APTX: variants seen among roughly 807,000 people sequenced by gnomAD.
APTX encodes the protein forkhead-associated domain histidine triad-like protein.
APTX carries 33 observed loss-of-function variants against 42.3 expected under a neutral mutation model. That is an observed-to-expected ratio of 0.78 (90% CI 0.59 to 1.04). APTX has a LOEUF of 1.04. Ranked by LOEUF, APTX falls within the 50% of genes least tolerant of loss-of-function variation. APTX has a pLI of 0.00. For synonymous variants in APTX, 130 were observed against 146.7 expected (o/e 0.89, Z 0.82); for missense variants, 421 against 415.1 (o/e 1.01, Z -0.12).
At chr9:32,985,064 A>G (rs551037218) in intron 5 of APTX, among the ~76,000 whole-genome samples, 1 of 152,376 alleles carries the variant, frequency 6.6e-6, no homozygotes, top group African/African-American at 2.4e-5. Context: ...CTAGGATTCC[A>G]ACTCAGATGT....
intron 1 of APTX, 26 bp downstream of exon 1, chr9:33,001,541 A>G (rs1302945452): frequency 5.0e-6 from 8 of 1,613,652 alleles, no homozygotes; most frequent in Non-Finnish European, 6.8e-6. Context: ...CAGCCAGCAG[A>G]AGAGATAGGC....
chr9:32,978,819 CT>C (rs1830050205), intron 6 of APTX, among the ~76,000 whole-genome samples: 1 of 152,196 alleles, frequency 6.6e-6, no homozygotes, highest in African/African-American at 2.4e-5. Flanking sequence ...CAGATGAGCA[CT>C]GTTTCTGCTG....
rs1289152870 is a variant in APTX, at chr9:32,974,646, A to G, written c.771-85T>C. 4 of 766,464 alleles carry G rather than the reference A, an allele frequency of 5.2e-6. No homozygotes were observed. The Admixed American group carries it at 7.4e-5, about 14-fold the overall frequency. 47.5% of individuals were successfully genotyped at this position (766,464 alleles called of 1,614,324 possible). A position where few individuals can be genotyped will look rare whatever the true frequency, so the allele number is the denominator to read the frequency against. On this transcript the variant is annotated intron_variant, in intron 6 of 7. Transcript: ENST00000379817. Reference sequence around the variant, plus strand: ...ATGACAAAGAGTATGAGTACATTGTATATTCATACTATTGAATACTCTTTG... The same window carrying G: ...ATGACAAAGAGTATGAGTACATTGTGTATTCATACTATTGAATACTCTTTG...
At chr9:32,983,020 C>G (rs1356385928) in intron 6 of APTX, among the ~76,000 whole-genome samples, 1 of 151,934 alleles carries the variant, frequency 6.6e-6, no homozygotes, top group Non-Finnish European at 1.5e-5. Flanking sequence ...TCATAGCTTA[C>G]TGTAGCCTCA....
intron 1 of APTX, among the ~76,000 whole-genome samples, chr9:33,022,666 A>G (rs1159097635): frequency 6.6e-6 from 1 of 152,246 alleles, no homozygotes; most frequent in African/African-American, 2.4e-5. Context: ...GCCATTAAAA[A>G]TAACAAGGCA....
chr9:32,977,807 G>C (rs1829795568), intron 6 of APTX, among the ~76,000 whole-genome samples: 1 of 151,836 alleles, frequency 6.6e-6, no homozygotes, highest in South Asian at 2.1e-4. Context: ...CTCCAGCCTG[G>C]GCAACAGAGT....
At chr9:32,973,773 C>T (rs915177627) in intron 7 of APTX, 121 bp from the exon 8 acceptor site, 1 of 1,332,102 alleles carries the variant, frequency 7.5e-7, no homozygotes, top group Non-Finnish European at 1.1e-6. Flanking sequence ...AGGTATTCTA[C>T]AGCTCCGTAA....
chr9:32,995,878 T>A (rs1486243041), intron 1 of APTX, among the ~76,000 whole-genome samples: 7 of 127,624 alleles, frequency 5.5e-5, no homozygotes, highest in East Asian at 4.3e-4. Context: ...ACAGAGCGAG[T>A]CTCCGTCTCA....
At chr9:32,987,176 A>G (rs1324513524) in intron 4 of APTX, among the ~76,000 whole-genome samples, 1 of 152,210 alleles carries the variant, frequency 6.6e-6, no homozygotes, top group Non-Finnish European at 1.5e-5. Context: ...AGTATGAGTC[A>G]TACCTTCTTT....
intron 1 of APTX, among the ~76,000 whole-genome samples, chr9:33,009,635 C>T (rs536791227): frequency 5.4e-4 from 82 of 151,966 alleles, no homozygotes; most frequent in African/African-American, 1.8e-3. Context: ...ATAACTTAGC[C>T]GGGCACGGTG....
chr9:33,017,639 G>A (rs1290216283), intron 1 of APTX, among the ~76,000 whole-genome samples: 1 of 152,136 alleles, frequency 6.6e-6, no homozygotes, highest in East Asian at 1.9e-4. Context: ...TCAATAATTT[G>A]CTAGAACAGC....
intron 6 of APTX, among the ~76,000 whole-genome samples, chr9:32,975,288 C>T (rs1355574603): frequency 1.3e-5 from 2 of 151,748 alleles, no homozygotes; most frequent in Non-Finnish European, 2.9e-5. Context: ...GATTTTCAGC[C>T]GAAGAGTGCT....
At chr9:33,022,177 T>C (rs1838437724) in intron 1 of APTX, among the ~76,000 whole-genome samples, 1 of 152,056 alleles carries the variant, frequency 6.6e-6, no homozygotes, top group African/African-American at 2.4e-5. Flanking sequence ...GCGAAGAATA[T>C]ACTAAAGAAA....
intron 3 of APTX, 70 bp from the exon 4 acceptor site, chr9:32,987,916 A>G (rs1235490761): frequency 1.3e-6 from 2 of 1,575,596 alleles, no homozygotes; most frequent in African/African-American, 2.7e-5. Context: ...AGCCACTGCT[A>G]TGTTAACCAC....
At chr9:32,985,205 T>C (rs1039273928) in intron 5 of APTX, among the ~76,000 whole-genome samples, 2 of 152,114 alleles carry the variant, frequency 1.3e-5, no homozygotes, top group Non-Finnish European at 2.9e-5. Context: ...CCTTCTCCAC[T>C]CCAACATGGC....
At chr9:33,001,506 G>A (rs765016595) in intron 1 of APTX, 61 bp downstream of exon 1, 34 of 1,611,202 alleles carry the variant, frequency 2.1e-5, no homozygotes, top group Non-Finnish European at 2.7e-5. Flanking sequence ...AGCCTCGGCC[G>A]AACGCTCACC....
At chr9:33,001,240 G>A (rs541519292) in intron 1 of APTX, 3 of 1,319,308 alleles carry the variant, frequency 2.3e-6, no homozygotes, top group Non-Finnish European at 2.0e-6. Context: ...TGGCGGAAAC[G>A]CTGCCCTTCC....
At chr9:32,990,121 C>G in intron 1 of APTX, 1 of 585,248 alleles carries the variant, frequency 1.7e-6, no homozygotes, top group Non-Finnish European at 3.0e-6. Context: ...TATTTACCTC[C>G]CTGCCTGAAT....
intron 1 of APTX, among the ~76,000 whole-genome samples, chr9:33,015,306 A>G (rs10971322): frequency 0.07 from 10,724 of 152,268 alleles, 507 homozygotes; most frequent in Non-Finnish European, 0.11. Context: ...CGCCTTATAA[A>G]TTATCAAAGG....
Sources: allele counts gnomAD v4.1 joint callset (sites outside exome capture counted in the v4.1 genomes callset), GRCh38; gene constraint gnomAD v4.1.1; transcripts MANE v1.5; gene names NCBI Gene and HGNC (gene_info 2026-07-23, HGNC 2026-07-21).